Variants in MEGF11 observed in about 807,000 individuals in gnomAD.
The protein encoded by MEGF11 is multiple EGF like domains 11.
MEGF11 carries 126 observed loss-of-function variants against 146.6 expected under a neutral mutation model. That is an observed-to-expected ratio of 0.86 (90% CI 0.74 to 1.00). The LOEUF (loss-of-function observed/expected upper bound fraction) is 1.00, where lower values mean the gene tolerates loss of function less well. MEGF11 is among the 50% of genes least tolerant of loss of function. The pLI is 0.00. For missense variants in MEGF11, 1,509 were observed against 1,521.2 expected (o/e 0.99, Z 0.13); for synonymous variants, 532 against 583.4 (o/e 0.91, Z 1.27).
intron 3 of MEGF11, among the ~76,000 whole-genome samples, chr15:66,121,911 T>G (rs1401965406): frequency 6.6e-6 from 1 of 152,144 alleles, no homozygotes; most frequent in East Asian, 1.9e-4. Flanking sequence ...CATAATAGAA[T>G]CCGGTCTCCC....
intron 1 of MEGF11, among the ~76,000 whole-genome samples, chr15:66,149,922 C>T (rs2089501521): frequency 6.6e-6 from 1 of 152,264 alleles, no homozygotes; most frequent in Admixed American, 6.5e-5. Context: ...TCTTCAGAAG[C>T]AGCAAGTGGC....
At chr15:66,204,318 C>T (rs531487761) in intron 1 of MEGF11, among the ~76,000 whole-genome samples, 3 of 152,136 alleles carry the variant, frequency 2.0e-5, no homozygotes, top group Non-Finnish European at 2.9e-5. Flanking sequence ...GAAAGGATCA[C>T]TTGAGCCCAG....
chr15:66,140,730 A>T (rs1441558192), intron 1 of MEGF11, among the ~76,000 whole-genome samples: 1 of 152,058 alleles, frequency 6.6e-6, no homozygotes, highest in African/African-American at 2.4e-5. Flanking sequence ...AGAAAGAAAA[A>T]GGAATAGGGG....
At chr15:66,230,322 C>T (rs771853309) in intron 1 of MEGF11, among the ~76,000 whole-genome samples, 1 of 152,190 alleles carries the variant, frequency 6.6e-6, no homozygotes, top group African/African-American at 2.4e-5. Context: ...TTCAAACCTT[C>T]TGTCTTACCT....
intron 5 of MEGF11, among the ~76,000 whole-genome samples, chr15:66,047,682 G>A (rs375727352): frequency 6.6e-6 from 1 of 152,220 alleles, no homozygotes; most frequent in South Asian, 2.1e-4. Context: ...CAGTGAAGCT[G>A]CTTGAAAAGG....
chr15:66,112,751 G>GAAC (rs2087500088), intron 4 of MEGF11, among the ~76,000 whole-genome samples: 1 of 152,182 alleles, frequency 6.6e-6, no homozygotes, highest in Non-Finnish European at 1.5e-5. Flanking sequence ...GAACACAATG[G>GAAC]AACACCACTT....
chr15:65,902,853 AGG>A (rs1336970633), intron 24 of MEGF11, among the ~76,000 whole-genome samples: 1 of 152,158 alleles, frequency 6.6e-6, no homozygotes, highest in African/African-American at 2.4e-5. Flanking sequence ...CATTTTATAA[AGG>A]GAGCATCAAA....
intron 1 of MEGF11, among the ~76,000 whole-genome samples, chr15:66,243,682 G>C (rs1255043585): frequency 6.6e-6 from 1 of 152,176 alleles, no homozygotes; most frequent in Non-Finnish European, 1.5e-5. Context: ...TCCTCTGCAG[G>C]AGGAGAAAGA....
At chr15:66,012,388 C>T (rs995571675) in intron 5 of MEGF11, among the ~76,000 whole-genome samples, 3 of 152,168 alleles carry the variant, frequency 2.0e-5, no homozygotes, top group African/African-American at 7.2e-5. Flanking sequence ...GAGCTAGGCT[C>T]TTGTGGTGTG....
intron 5 of MEGF11, among the ~76,000 whole-genome samples, chr15:66,026,357 G>A (rs2083331249): frequency 6.6e-6 from 1 of 152,186 alleles, no homozygotes; most frequent in South Asian, 2.1e-4. Context: ...CTTGATGAAG[G>A]GACCACGGCT....
chr15:66,111,110 C>T (rs1000333503), intron 4 of MEGF11, among the ~76,000 whole-genome samples: 1 of 152,184 alleles, frequency 6.6e-6, no homozygotes. Flanking sequence ...AGTCACTTAG[C>T]CTCTCTGAGC....
chr15:66,036,571 G>A (rs2083733559), intron 5 of MEGF11, among the ~76,000 whole-genome samples: 1 of 152,184 alleles, frequency 6.6e-6, no homozygotes, highest in Non-Finnish European at 1.5e-5. Flanking sequence ...TTTTCTGACA[G>A]CCTCAGTGTT....
chr15:66,246,858 T>C, intron 1 of MEGF11, among the ~76,000 whole-genome samples: 1 of 152,054 alleles, frequency 6.6e-6, no homozygotes, highest in South Asian at 2.1e-4. Flanking sequence ...GAAACGTGGC[T>C]TGAGACATGG....
chr15:65,988,008 CTTTT>C (rs35039801), intron 5 of MEGF11, among the ~76,000 whole-genome samples: 1 of 93,610 alleles, frequency 1.1e-5, no homozygotes, highest in Non-Finnish European at 2.1e-5. Flanking sequence ...AGTACCCGGT[CTTTT>C]TTTTTTTTTT....
chr15:65,931,874 C>T (rs1012076429), intron 10 of MEGF11, among the ~76,000 whole-genome samples: 21 of 152,070 alleles, frequency 1.4e-4, no homozygotes, highest in African/African-American at 3.4e-4. Flanking sequence ...AAGCTACTGC[C>T]TCAGCATTAT....
intron 1 of MEGF11, among the ~76,000 whole-genome samples, chr15:66,216,557 C>A (rs55922529): frequency 0.18 from 27,653 of 152,090 alleles, 3,107 homozygotes; most frequent in Middle Eastern, 0.29. Flanking sequence ...GAGCAACCCA[C>A]CCCAACCTCC....
At chr15:66,184,965 T>C (rs891405021) in intron 1 of MEGF11, among the ~76,000 whole-genome samples, 9 of 152,112 alleles carry the variant, frequency 5.9e-5, no homozygotes, top group Non-Finnish European at 1.3e-4. Context: ...TCCATCTGCA[T>C]GCATCTGTCC....
chr15:66,250,917 GA>G (rs769893478), intron 1 of MEGF11, among the ~76,000 whole-genome samples: 15 of 150,370 alleles, frequency 1.0e-4, no homozygotes, highest in Middle Eastern at 3.4e-3. Context: ...AAAAAAGAAT[GA>G]AAAAAAAAGA....
chr15:65,922,295 C>T, intron 15 of MEGF11, 43 bp downstream of exon 15: 3 of 1,593,832 alleles, frequency 1.9e-6, no homozygotes, highest in Non-Finnish European at 2.6e-6. Flanking sequence ...CCTCCCAGAA[C>T]CTCTCACCTC....
Sources: gnomAD v4.1 joint callset for allele counts (sites outside exome capture counted in the v4.1 genomes callset) on GRCh38, gnomAD v4.1.1 for gene constraint, MANE v1.5 for transcripts, NCBI Gene and HGNC (gene_info 2026-07-23, HGNC 2026-07-21) for gene names.